The following SLC9A3 variants were observed in gnomAD, a reference collection of about 807,000 sequenced individuals.
The protein encoded by SLC9A3 is solute carrier family 9 member A3.
SLC9A3 carries 37 observed loss-of-function variants against 86.8 expected under a neutral mutation model. That is an observed-to-expected ratio of 0.43 (90% CI 0.33 to 0.56). SLC9A3 has a LOEUF of 0.56. Among genes scored for constraint, SLC9A3 ranks in the 20% least tolerant of loss-of-function variants. The pLI is 0.06. For missense variants in SLC9A3, 1,011 were observed against 1,171.9 expected, an observed-to-expected ratio of 0.86 and a Z score of 2.00; for synonymous variants, 581 against 528.3, an observed-to-expected ratio of 1.10 and a Z score of -1.37.
intron 2 of SLC9A3, among the ~76,000 whole-genome samples, chr5:489,144 G>T (rs1202970083): frequency 6.6e-6 from 1 of 152,212 alleles, no homozygotes; most frequent in African/African-American, 2.4e-5. Flanking sequence ...GCCACGTGGG[G>T]GTGCCAGGCT....
chr5:479,385 G>A, intron 10 of SLC9A3: 1 of 179,674 alleles, frequency 5.6e-6, no homozygotes, highest in Non-Finnish European at 1.2e-5. Context: ...ATAGTGGACT[G>A]GGAGATGCTG....
chr5:520,820 C>T (rs1733864679), intron 1 of SLC9A3, among the ~76,000 whole-genome samples: 1 of 152,136 alleles, frequency 6.6e-6, no homozygotes, highest in Admixed American at 6.5e-5. Context: ...CCAGGGCCCC[C>T]ACCCAGTGCT....
intron 3 of SLC9A3, among the ~76,000 whole-genome samples, 180 bp downstream of exon 3, chr5:488,136 C>CGCGAAAGCTGCCA (rs1286758755): frequency 6.6e-6 from 1 of 152,214 alleles, no homozygotes. Context: ...AAAGAAGCCT[C>CGCGAAAGCTGCCA]GCGAAAGCTG....
chr5:516,594 A>T (rs1437190660), intron 1 of SLC9A3, among the ~76,000 whole-genome samples: 1 of 152,222 alleles, frequency 6.6e-6, no homozygotes, highest in African/African-American at 2.4e-5. Context: ...TTATTCCAGA[A>T]GGCATATAGC....
Position 473,019 on chromosome 5 carries a change from G to GGCAGCGACGCCA in SLC9A3, c.*348_*359dup. 1 of 432,386 alleles carries GGCAGCGACGCCA rather than the reference G, an allele frequency of 2.3e-6. No individual in the cohort carries two copies. Among genetic ancestry groups the GGCAGCGACGCCA allele is most frequent in the East Asian group, 3.9e-5 (1 of 25,660 alleles). 26.8% of individuals were successfully genotyped at this position (432,386 alleles called of 1,614,324 possible). A position where few individuals can be genotyped will look rare whatever the true frequency, so the allele number is the denominator to read the frequency against. On this transcript the variant is annotated 3_prime_UTR_variant, in exon 17 of 17. Coordinates refer to ENST00000264938, the MANE Select transcript of SLC9A3 (RefSeq NM_004174.4). ...GTGCGGCGGTGCGTGGCACGAGGGC[G>GGCAGCGACGCCA]GCAGCGACGCCAGCTTCAGCAGCGC...
rs760360674 is a variant in SLC9A3, at chr5:475,120, G to C, written c.2264C>G (p.Pro755Arg). 6.3e-7 allele frequency: 1 copy of C among 1,597,166 alleles called. No homozygotes were observed. Among genetic ancestry groups the C allele is most frequent in the South Asian group, 1.1e-5 (1 of 89,858 alleles). ...CAGGGCCTCGTCCGGAGAAAACACA[G>C]GGTTGTCAATTCCTAGGAGAGAGGG... Reference protein sequence around the residue: ...ASDSPAGIDNPVFSPDEALDR... With the variant: ...ASDSPAGIDNRVFSPDEALDR... The change falls in exon 16 of 17, where the codon CCT becomes CGT. Residue 755 changes from proline to arginine, a missense_variant. Physicochemically the swap from Pro to Arg is moderately radical, Grantham distance 103. This residue lies in a region of SLC9A3 where 397 missense variants were observed against 346.3 expected (regional missense o/e 1.15). Transcript: ENST00000264938.
At chr5:485,861 G>A (rs1739437992) in intron 3 of SLC9A3, among the ~76,000 whole-genome samples, 2 of 152,314 alleles carry the variant, frequency 1.3e-5, no homozygotes, top group South Asian at 4.1e-4. Flanking sequence ...TGGGGTGGGG[G>A]GCCCATGAGG....
intron 1 of SLC9A3, among the ~76,000 whole-genome samples, chr5:493,260 T>A (rs1739876232): frequency 6.6e-6 from 1 of 152,254 alleles, no homozygotes; most frequent in Non-Finnish European, 1.5e-5. Context: ...GGTTATTAAG[T>A]CTTCTTTGAA....
chr5:484,555 CAGGT>C lies in SLC9A3; in HGVS notation c.893_896del (p.Tyr298Ter). ...CCGACAGCGACAGCATCTCGGACGT[CAGGT>C]AGGACAGGTAGGAGATGATGAACAC... On this transcript the variant is annotated frameshift_variant, in exon 5 of 17. Coordinates refer to ENST00000264938, the MANE Select transcript of SLC9A3 (RefSeq NM_004174.4). LOFTEE classifies it high-confidence loss of function. 1 of 1,613,260 alleles carries C rather than the reference CAGGT, an allele frequency of 6.2e-7. No homozygotes were observed. Among genetic ancestry groups the C allele is most frequent in the Non-Finnish European group, 8.5e-7 (1 of 1,179,948 alleles).
At position 470,659 on chromosome 5, in the gene SLC9A3, A is replaced by G. The variant is rs1294916166; in HGVS notation, c.*2720T>C. On this transcript the variant is annotated 3_prime_UTR_variant, in exon 17 of 17. Transcript: ENST00000264938. ...TAGAATTACACGAAATTTGATTAAT[A>G]TTATAGCTGCAAAATTAACATACAC... The G allele has an allele frequency of 6.6e-6, 1 of 152,338 alleles. No homozygotes were observed. Among genetic ancestry groups the G allele is most frequent in the Non-Finnish European group, 1.5e-5 (1 of 68,044 alleles). The allele number at this position is 152,338 out of a possible 1,614,324, so 9.4% of individuals were successfully genotyped here.
At chr5:488,226 CCCT>C in intron 3 of SLC9A3, 87 bp downstream of exon 3, 1 of 1,430,144 alleles carries the variant, frequency 7.0e-7, no homozygotes, top group Non-Finnish European at 9.7e-7. Flanking sequence ...GGGTTTCACG[CCCT>C]CCTTTGCTGA....
rs769497539 is a variant in SLC9A3, at chr5:515,339, C to T, written c.211+8773G>A. 4.6e-5 allele frequency among the ~76,000 whole-genome samples: 7 copies of T among 152,084 alleles called. No homozygotes were observed. The East Asian group carries it at 7.7e-4, about 17-fold the overall frequency. On this transcript the variant is annotated intron_variant, in intron 1 of 16. Coordinates refer to ENST00000264938, the MANE Select transcript of SLC9A3 (RefSeq NM_004174.4). The stretch of plus-strand genomic sequence containing the variant: ...CTCCTTCCTTTCAGGCCCCTGTGGA[C>T]GGTGCACACACGGGAACCCCTTGGG...
intron 1 of SLC9A3, among the ~76,000 whole-genome samples, chr5:502,297 C>T (rs539481537): frequency 1.5e-3 from 231 of 152,276 alleles, no homozygotes; most frequent in African/African-American, 5.1e-3. Flanking sequence ...CCCCCAGAGA[C>T]GGCCCAGGCC....
chr5:478,008 T>C (rs1425607097), intron 10 of SLC9A3: 1 of 152,698 alleles, frequency 6.5e-6, no homozygotes, highest in Admixed American at 6.5e-5. Context: ...AGTGGGCTTA[T>C]GGCTGGAGTC....
At chr5:485,902 C>G (rs1227051666) in intron 3 of SLC9A3, among the ~76,000 whole-genome samples, 1 of 152,170 alleles carries the variant, frequency 6.6e-6, no homozygotes, top group Non-Finnish European at 1.5e-5. Flanking sequence ...CTTCTCGGAG[C>G]TGGGCTTTTT....
At position 476,284 on chromosome 5, in the gene SLC9A3, T is replaced by C. The variant is rs761589015; in HGVS notation, c.1985A>G (p.Glu662Gly). ...IFHRTMRKRL[E>G]SFKSTKLGLN... ...CCCCAGCTTGGTCGACTTGAAGGAC[T>C]CCAGGCGCTTCCGCATGGTCCTGTG... is the stretch of plus-strand genomic sequence containing the variant. Residue 662 changes from glutamate to glycine, a missense_variant, in exon 13 of 17, where the codon GAG becomes GGG. Physicochemically the swap from Glu to Gly is moderately conservative, Grantham distance 98. Around this residue, in one of 3 missense-constraint regions of SLC9A3, gnomAD observed 397 missense variants for 346.3 expected, o/e 1.15. Transcript: ENST00000264938. 6.2e-7 allele frequency: 1 copy of C among 1,613,974 alleles called. No individual in the cohort carries two copies. The highest frequency in any genetic ancestry group is 8.5e-7 in the Non-Finnish European group (1 of 1,179,982).
chr5:516,761 G>A (rs1340790285), intron 1 of SLC9A3, among the ~76,000 whole-genome samples: 3 of 152,210 alleles, frequency 2.0e-5, no homozygotes, highest in Admixed American at 1.3e-4. Flanking sequence ...GCTCTGAGCC[G>A]ATGCTGCAAT....
At chr5:499,829 C>A (rs1005952288) in intron 1 of SLC9A3, among the ~76,000 whole-genome samples, 4 of 152,228 alleles carry the variant, frequency 2.6e-5, no homozygotes, top group Non-Finnish European at 4.4e-5. Context: ...GAAGGCCCAG[C>A]CACTCCCAGT....
intron 1 of SLC9A3, among the ~76,000 whole-genome samples, chr5:515,637 C>T (rs1733706938): frequency 6.6e-6 from 1 of 151,818 alleles, no homozygotes. Context: ...GGGTCCCCTG[C>T]TCCTCAGACA....
Sources: gnomAD v4.1 joint callset for allele counts (sites outside exome capture counted in the v4.1 genomes callset) on GRCh38, gnomAD v4.1.1 for gene constraint, gnomAD v4.1.1 regional missense constraint, MANE v1.5 for transcripts, NCBI Gene and HGNC (gene_info 2026-07-23, HGNC 2026-07-21) for gene names.